Variants in IGF2BP3 observed in about 807,000 individuals in gnomAD.
IGF2BP3 encodes insulin-like growth factor 2 mRNA-binding protein 3.
In IGF2BP3, 9 loss-of-function variants were observed where a neutral mutation model predicts 73.8. The ratio of observed to expected loss-of-function variants is 0.12; its 90% CI spans 0.07 to 0.21. The LOEUF is 0.21. Ranked by LOEUF, IGF2BP3 falls within the 10% of genes least tolerant of loss-of-function variation. IGF2BP3 has a pLI of 1.00. For synonymous variants in IGF2BP3, 258 were observed against 256.7 expected, an observed-to-expected ratio of 1.01 and a Z score of -0.05; for missense variants, 542 against 714.0, an observed-to-expected ratio of 0.76 and a Z score of 2.75.
intron 2 of IGF2BP3, among the ~76,000 whole-genome samples, chr7:23,423,962 A>C (rs1042572483): frequency 5.3e-5 from 8 of 152,026 alleles, no homozygotes; most frequent in Non-Finnish European, 1.0e-4. Context: ...TACTAAAAAC[A>C]TAAAAATTAG....
intron 10 of IGF2BP3, among the ~76,000 whole-genome samples, chr7:23,329,393 C>G (rs1784387550): frequency 6.6e-6 from 1 of 152,120 alleles, no homozygotes; most frequent in African/African-American, 2.4e-5. Flanking sequence ...TGCATAGTTT[C>G]CAACTTCAAT....
At chr7:23,352,461 G>A (rs983989968) in intron 5 of IGF2BP3, among the ~76,000 whole-genome samples, 3 of 151,704 alleles carry the variant, frequency 2.0e-5, no homozygotes, top group Admixed American at 1.3e-4. Flanking sequence ...GCTAATTTTT[G>A]TATTTTTAGT....
chr7:23,395,608 C>A (rs912036378), intron 3 of IGF2BP3, among the ~76,000 whole-genome samples: 1 of 150,798 alleles, frequency 6.6e-6, no homozygotes, highest in Non-Finnish European at 1.5e-5. Context: ...CCCCCACCCC[C>A]CCAAAAAAAG....
At chr7:23,339,879 G>A (rs1583906330) in intron 10 of IGF2BP3, among the ~76,000 whole-genome samples, 1 of 152,252 alleles carries the variant, frequency 6.6e-6, no homozygotes, top group East Asian at 1.9e-4. Flanking sequence ...TAAACTAGTG[G>A]ACATGTTCAA....
In IGF2BP3 at chr7:23,469,432, G is replaced by A. The variant is rs1788653740; in HGVS notation, c.175+504C>T. 6.6e-6 allele frequency: 1 copy of A among 152,388 alleles called. No individual in the cohort carries two copies. The highest frequency in any genetic ancestry group is 2.4e-5 in the African/African-American group (1 of 41,474). The allele number at this position is 152,388 out of a possible 1,614,324, so 9.4% of individuals were successfully genotyped here. A position where few individuals can be genotyped will look rare whatever the true frequency, so the allele number is the denominator to read the frequency against. On this transcript the variant is annotated intron_variant, in intron 1 of 14. Coordinates refer to ENST00000258729, the MANE Select transcript of IGF2BP3 (RefSeq NM_006547.3). The surrounding 1 kb of genome is among the most constrained non-coding windows in gnomAD (Gnocchi z 6.1). ...GGAGGAAGCGCGGGGCCGCCTGTGC[G>A]AGGCACCAGCCTCGCGGTCTCACTC...
At chr7:23,394,226 G>A (rs1301752047) in intron 3 of IGF2BP3, among the ~76,000 whole-genome samples, 1 of 152,114 alleles carries the variant, frequency 6.6e-6, no homozygotes, top group Non-Finnish European at 1.5e-5. Flanking sequence ...ATCTACTTTG[G>A]CAGGCCAGGG....
At chr7:23,371,433 T>C (rs538911772) in intron 3 of IGF2BP3, among the ~76,000 whole-genome samples, 8 of 152,328 alleles carry the variant, frequency 5.3e-5, no homozygotes, top group African/African-American at 1.9e-4. Context: ...AATGGCTATA[T>C]TACAAAATGA....
chr7:23,319,746 G>A (rs979746422), intron 10 of IGF2BP3, among the ~76,000 whole-genome samples: 2 of 152,146 alleles, frequency 1.3e-5, no homozygotes, highest in Non-Finnish European at 2.9e-5. Flanking sequence ...GAGAAAAGCT[G>A]AATTTTGTTA....
chr7:23,345,667 T>G (rs1001743546), intron 8 of IGF2BP3, among the ~76,000 whole-genome samples: 1 of 152,258 alleles, frequency 6.6e-6, no homozygotes, highest in Non-Finnish European at 1.5e-5. Context: ...GGGTTATATA[T>G]TCCAACTTTG....
intron 10 of IGF2BP3, among the ~76,000 whole-genome samples, chr7:23,327,210 G>T (rs1784323919): frequency 6.6e-6 from 1 of 151,504 alleles, no homozygotes; most frequent in South Asian, 2.1e-4. Flanking sequence ...CAGCTCCCAA[G>T]TACTCAAGTT....
intron 3 of IGF2BP3, among the ~76,000 whole-genome samples, chr7:23,387,120 G>T (rs1383123354): frequency 6.6e-6 from 1 of 151,828 alleles, no homozygotes; most frequent in Non-Finnish European, 1.5e-5. Flanking sequence ...TAGGTAGGTT[G>T]GTTGGTTAAC....
At chr7:23,341,221 C>A (rs1784704584) in intron 10 of IGF2BP3, among the ~76,000 whole-genome samples, 2 of 152,084 alleles carry the variant, frequency 1.3e-5, no homozygotes, top group Non-Finnish European at 2.9e-5. Flanking sequence ...CGCACACACA[C>A]AATATAATTG....
In IGF2BP3 at chr7:23,368,343, AAAAGAAAGAAAG is replaced by A. The variant is rs58687904; in HGVS notation, c.286-6614_286-6603del. On this transcript the variant is annotated intron_variant, in intron 3 of 14. Transcript: ENST00000258729. ...GAGAGAAAGAAAAGAAAGAAAGAAA[AAAAGAAAGAAAG>A]AAAGAAAGAAAGAAAGAAAGAAAGA... 9.3e-3 allele frequency among the ~76,000 whole-genome samples: 1,289 copies of A among 138,030 alleles called. 18 individuals carry two copies. Among genetic ancestry groups the A allele is most frequent in the African/African-American group, 0.033 (1,181 of 35,626 alleles). 90.6% of individuals were successfully genotyped at this position (138,030 alleles called of 152,430 possible). A position where few individuals can be genotyped will look rare whatever the true frequency, so the allele number is the denominator to read the frequency against.
At chr7:23,407,181 TAAA>T (rs77237856) in intron 3 of IGF2BP3, among the ~76,000 whole-genome samples, 4 of 121,176 alleles carry the variant, frequency 3.3e-5, no homozygotes, top group Non-Finnish European at 5.3e-5. Flanking sequence ...ATGTAGTTAT[TAAA>T]AAAAAAAAAA....
intron 3 of IGF2BP3, among the ~76,000 whole-genome samples, chr7:23,392,215 G>A (rs1034484427): frequency 6.6e-6 from 1 of 151,984 alleles, no homozygotes; most frequent in Non-Finnish European, 1.5e-5. Context: ...CCAAAATGAG[G>A]GCAGAACCAT....
intron 11 of IGF2BP3, 111 bp from the exon 12 acceptor site, chr7:23,317,824 CTTCGTGA>C: frequency 1.2e-6 from 1 of 864,326 alleles, no homozygotes; most frequent in Non-Finnish European, 1.9e-6. Flanking sequence ...GAATTAAAGC[CTTCGTGA>C]AGGAAATTAG....
chr7:23,325,130 T>C (rs1293177200), intron 10 of IGF2BP3, among the ~76,000 whole-genome samples: 1 of 152,146 alleles, frequency 6.6e-6, no homozygotes, highest in Non-Finnish European at 1.5e-5. Context: ...GGAAGTCCAA[T>C]TGTCCCTGTT....
At chr7:23,406,621 G>C (rs542461731) in intron 3 of IGF2BP3, among the ~76,000 whole-genome samples, 39 of 152,238 alleles carry the variant, frequency 2.6e-4, no homozygotes, top group African/African-American at 8.7e-4. Flanking sequence ...AAGATTTACT[G>C]TGAAGAGCAA....
chr7:23,315,905 A>T (rs1289962771), intron 12 of IGF2BP3, among the ~76,000 whole-genome samples: 1 of 152,230 alleles, frequency 6.6e-6, no homozygotes, highest in Non-Finnish European at 1.5e-5. Context: ...ACTATAAAAC[A>T]TGAGTTTTAT....
Sources: gnomAD v4.1 joint callset for allele counts (sites outside exome capture counted in the v4.1 genomes callset) on GRCh38, gnomAD v4.1.1 for gene constraint, Gnocchi (gnomAD v3.1) non-coding constraint, MANE v1.5 for transcripts, NCBI Gene and HGNC (gene_info 2026-07-23, HGNC 2026-07-21) for gene names.